Variants in PCDHA6 observed in about 807,000 individuals in gnomAD.
PCDHA6 encodes protocadherin alpha-6.
Under a neutral mutation model 60.3 loss-of-function variants are expected in PCDHA6, and 55 were observed. The ratio of observed to expected loss-of-function variants is 0.91; its 90% CI spans 0.73 to 1.14. PCDHA6 has a LOEUF of 1.14. Ranked by LOEUF, PCDHA6 falls within the 50% of genes most tolerant of loss-of-function variation. PCDHA6 has a pLI of 0.00. For missense variants in PCDHA6, 1,327 were observed against 1,256.5 expected (o/e 1.06, Z -0.85); for synonymous variants, 652 against 557.9 (o/e 1.17, Z -2.38).
intron 1 of PCDHA6, among the ~76,000 whole-genome samples, chr5:140,942,021 A>C (rs2093219800): frequency 6.6e-6 from 1 of 152,198 alleles, no homozygotes; most frequent in South Asian, 2.1e-4. Context: ...TTTTGGGAAA[A>C]AATAATTCAT....
At chr5:140,878,063 T>A (rs2057461897) in intron 1 of PCDHA6, 1 of 402,806 alleles carries the variant, frequency 2.5e-6, no homozygotes, top group Non-Finnish European at 4.1e-6. Context: ...CACTTAATAT[T>A]TTTCTTTTTC....
chr5:140,829,868 A>C lies in PCDHA6; in HGVS notation c.1777A>C (p.Lys593Gln). The C allele has an allele frequency of 6.2e-7, 1 of 1,613,886 alleles. No individual in the cohort carries two copies. Among genetic ancestry groups the C allele is most frequent in the Non-Finnish European group, 8.5e-7 (1 of 1,179,866 alleles). ...ACTGGGTGCAGGCCAAGTGGTGGCG[A>C]AGGTGCGCGCAGTTGACGCCGACTC... ...RSLGAGQVVA[K>Q]VRAVDADSGY... Residue 593 changes from lysine to glutamine, a missense_variant, in exon 1 of 4, where the codon AAG becomes CAG. Transcript: ENST00000529310.
Position 140,979,220 on chromosome 5 carries a change from C to T in PCDHA6, c.2453+213C>T, listed in dbSNP as rs552719327. ...TATCAAGTGCTGGCATATAAGAGTC[C>T]TCTGTAAAATCACAGAAACAGGCTG... On this transcript the variant is annotated intron_variant, in intron 2 of 3. Transcript: ENST00000529310. Among the ~76,000 whole-genome samples, 27 of 152,304 alleles carry T rather than the reference C, an allele frequency of 1.8e-4. 1 individual carries two copies. The highest frequency in any genetic ancestry group is 6.3e-4 in the African/African-American group (26 of 41,574).
intron 1 of PCDHA6, chr5:140,871,061 A>G (rs2052667671): frequency 6.2e-7 from 1 of 1,613,082 alleles, no homozygotes; most frequent in African/African-American, 1.3e-5. Flanking sequence ...GTGAAGGATC[A>G]CGGTGAGCCG....
At position 140,832,519 on chromosome 5, in the gene PCDHA6, T is replaced by A. The variant is rs114374646; in HGVS notation, c.2394+2034T>A. 4.8e-3 allele frequency among the ~76,000 whole-genome samples: 727 copies of A among 152,336 alleles called. 10 individuals are homozygous for A. The highest frequency in any genetic ancestry group is 0.017 in the African/African-American group (702 of 41,586). ...GTGGCAGAATTGTCTCTGATTATAC[T>A]GAAGATCACCATTTGTGTAGCTAAT... is the stretch of plus-strand genomic sequence containing the variant. On this transcript the variant is annotated intron_variant, in intron 1 of 3. Coordinates refer to ENST00000529310, the MANE Select transcript of PCDHA6 (RefSeq NM_018909.4).
rs1769642042 is a variant in PCDHA6 at position 140,828,242 on chromosome 5, G to A, written c.151G>A (p.Asp51Asn). The A allele has an allele frequency of 6.2e-7, 1 of 1,613,964 alleles. No homozygotes were observed. The highest frequency in any genetic ancestry group is 8.5e-7 in the Non-Finnish European group (1 of 1,180,046). ...CACCTTCGTGGGCCGGATCGCGCAG[G>A]ACCTGGGGCTGGAGCTGGCGGAGCT... The part of the protein sequence containing the change: ...HGTFVGRIAQ[D>N]LGLELAELVP... The change falls in exon 1 of 4, where the codon GAC becomes AAC. Residue 51 changes from aspartate (D) to asparagine (N), a missense_variant. By Grantham distance (23) the Asp-to-Asn change is conservative. Coordinates refer to ENST00000529310, the MANE Select transcript of PCDHA6 (RefSeq NM_018909.4).
In PCDHA6 at chr5:140,829,680, T is replaced by C. The variant is rs1554132158; in HGVS notation, c.1589T>C (p.Leu530Pro). The change falls in exon 1 of 4, where the codon CTG becomes CCG. Residue 530 changes from leucine (L) to proline (P), a missense_variant. Physicochemically the swap from Leu to Pro is moderately conservative, Grantham distance 98 (BLOSUM62 -3). Coordinates refer to ENST00000529310, the MANE Select transcript of PCDHA6 (RefSeq NM_018909.4). The part of the protein sequence containing the change: ...LQPLDHEELE[L>P]LQFQVSARDA... ...CCGCTGGACCACGAGGAGCTAGAGC[T>C]GCTGCAGTTTCAGGTGAGCGCGCGC... 1.9e-6 allele frequency: 3 copies of C among 1,613,098 alleles called. No individual in the cohort carries two copies. Among genetic ancestry groups the C allele is most frequent in the African/African-American group, 1.3e-5 (1 of 74,912 alleles).
chr5:140,849,790 C>G lies in PCDHA6; in HGVS notation c.2394+19305C>G, dbSNP rs2150450402. 2.5e-6 allele frequency: 4 copies of G among 1,598,236 alleles called. 1 individual carries two copies. The highest frequency in any genetic ancestry group is 2.2e-5 in the East Asian group (1 of 44,828). ...GTGGTTACCGCGCGGGACGGGGGCT[C>G]GCCTTCACTGTGGGCCACGGCCAGG... On this transcript the variant is annotated intron_variant, in intron 1 of 3. Transcript: ENST00000529310.
At chr5:140,870,634 G>T in intron 1 of PCDHA6, 1 of 1,612,862 alleles carries the variant, frequency 6.2e-7, no homozygotes, top group Non-Finnish European at 8.5e-7. Context: ...GTCGGTGCAC[G>T]CGGAGAGCGG....
chr5:140,848,596 C>T (rs2150413733), intron 1 of PCDHA6: 2 of 1,594,204 alleles, frequency 1.3e-6, no homozygotes, highest in East Asian at 2.2e-5. Flanking sequence ...CTCCACTACT[C>T]CGTCCCGGAG....
rs2150179032 is a variant in PCDHA6, at chr5:140,829,978, C to A, written c.1887C>A (p.Gly629=). The part of the protein sequence containing the change: ...RFPFRVGLYT[G]EISTTRVLDE... The stretch of plus-strand genomic sequence containing the variant: ...CGTTTCGCGTGGGGCTGTACACGGG[C>A]GAGATCAGCACCACTCGTGTCCTGG... The change falls in exon 1 of 4, where the codon GGC becomes GGA. Residue 629 remains glycine, a synonymous_variant. Coordinates refer to ENST00000529310, the MANE Select transcript of PCDHA6 (RefSeq NM_018909.4). 1.1e-5 allele frequency: 17 copies of A among 1,613,848 alleles called. No homozygotes were observed. The highest frequency in any genetic ancestry group is 4.0e-5 in the African/African-American group (3 of 74,946).
intron 1 of PCDHA6, among the ~76,000 whole-genome samples, chr5:140,941,032 T>C (rs1321810263): frequency 6.6e-6 from 1 of 152,222 alleles, no homozygotes; most frequent in Non-Finnish European, 1.5e-5. Flanking sequence ...CTGGCCTTTT[T>C]GGTGCCAAGT....
chr5:140,951,662 G>A (rs1246504133), intron 1 of PCDHA6, among the ~76,000 whole-genome samples: 1 of 152,150 alleles, frequency 6.6e-6, no homozygotes, highest in African/African-American at 2.4e-5. Context: ...ACCAGGGCCT[G>A]CCTACAAAAT....
intron 2 of PCDHA6, 118 bp downstream of exon 2, chr5:140,979,125 C>A (rs782380399): frequency 8.7e-5 from 128 of 1,479,726 alleles, no homozygotes; most frequent in Non-Finnish European, 1.0e-4. Flanking sequence ...GGTACTTTGC[C>A]AGGAAAATGC....
chr5:140,939,579 A>AT (rs2153642013), intron 1 of PCDHA6, among the ~76,000 whole-genome samples: 1 of 152,306 alleles, frequency 6.6e-6, no homozygotes, highest in African/African-American at 2.4e-5. Context: ...AAAATGGAAA[A>AT]TTTTAACATA....
intron 1 of PCDHA6, chr5:140,841,303 T>C (rs2150313013): frequency 6.4e-7 from 1 of 1,572,476 alleles, no homozygotes; most frequent in South Asian, 1.2e-5. Flanking sequence ...TATTTTCTGA[T>C]AGGAAACGAC....
At chr5:140,915,766 T>G (rs2077298451) in intron 1 of PCDHA6, among the ~76,000 whole-genome samples, 1 of 151,974 alleles carries the variant, frequency 6.6e-6, no homozygotes, top group African/African-American at 2.4e-5. Context: ...CTGGGTCTTG[T>G]CCAAGGCCTG....
intron 1 of PCDHA6, chr5:140,927,277 G>A (rs1554204290): frequency 6.2e-7 from 1 of 1,614,016 alleles, no homozygotes; most frequent in Non-Finnish European, 8.5e-7. Context: ...TGCCGGCGAC[G>A]TGCAGCTGCA....
chr5:140,867,686 C>CT, intron 1 of PCDHA6: 1 of 152,084 alleles, frequency 6.6e-6, no homozygotes, highest in Middle Eastern at 3.4e-3. Flanking sequence ...GTTGCATCTT[C>CT]TTTTTTTCCT....
Sources: allele counts gnomAD v4.1 joint callset (sites outside exome capture counted in the v4.1 genomes callset), GRCh38; gene constraint gnomAD v4.1.1; transcripts MANE v1.5; gene names NCBI Gene and HGNC (gene_info 2026-07-23, HGNC 2026-07-21).